ASTN1: variants seen among roughly 807,000 people sequenced by gnomAD.
The protein encoded by ASTN1 is astrotactin-1.
In ASTN1, 41 loss-of-function variants were observed where a neutral mutation model predicts 140.7. That is an observed-to-expected ratio of 0.29 (90% CI 0.23 to 0.38). ASTN1 has a LOEUF of 0.38. ASTN1 is among the 10% of genes least tolerant of loss of function. ASTN1 has a pLI of 1.00. For synonymous variants in ASTN1, 640 were observed against 652.2 expected, an observed-to-expected ratio of 0.98 and a Z score of 0.29; for missense variants, 1,479 against 1,678.8, an observed-to-expected ratio of 0.88 and a Z score of 2.08.
At chr1:177,095,476 C>T (rs1266787881) in intron 1 of ASTN1, among the ~76,000 whole-genome samples, 5 of 151,594 alleles carry the variant, frequency 3.3e-5, no homozygotes, top group Non-Finnish European at 7.3e-5. Context: ...TTCAAGGCTC[C>T]ATTCCCCACC....
intron 8 of ASTN1, among the ~76,000 whole-genome samples, chr1:176,981,211 C>CA (rs35209486): frequency 0.14 from 3,315 of 24,054 alleles, 1,015 homozygotes; most frequent in East Asian, 0.26. Context: ...GACTCTGTCT[C>CA]AAAAAAAAAA....
At chr1:177,105,445 C>T (rs1680504217) in intron 1 of ASTN1, among the ~76,000 whole-genome samples, 1 of 152,032 alleles carries the variant, frequency 6.6e-6, no homozygotes, top group Admixed American at 6.5e-5. Flanking sequence ...AGAATCATGG[C>T]CCACTGTACT....
At position 176,870,817 on chromosome 1, in the gene ASTN1, T is replaced by C. The variant is rs554824429; in HGVS notation, c.3464-1790A>G. On this transcript the variant is annotated intron_variant, in intron 21 of 22. Coordinates refer to ENST00000361833, the MANE Select transcript of ASTN1 (RefSeq NM_004319.3). ...AGAAGATAGTGATTTAGAAAATAAA[T>C]ATCTATGGTATCTCCAGTTGTTTAT... 7.0e-4 allele frequency among the ~76,000 whole-genome samples: 107 copies of C among 152,320 alleles called. No individual in the cohort carries two copies. In the Middle Eastern group the frequency reaches 0.01, roughly 15 times the overall value.
Position 176,861,321 on chromosome 1 carries a change from G to C in ASTN1, c.*2963C>G. ...AAAACGATTGCACACTCAATTAAAA[G>C]TCTAATGCTATTACAGTGGTTCATG... is the stretch of plus-strand genomic sequence containing the variant. On this transcript the variant is annotated 3_prime_UTR_variant, in exon 23 of 23. Transcript: ENST00000361833. 1.0e-6 allele frequency: 1 copy of C among 985,806 alleles called. No individual in the cohort carries two copies. The highest frequency in any genetic ancestry group is 4.7e-5 in the South Asian group (1 of 21,282). 61.1% of individuals were successfully genotyped at this position (985,806 alleles called of 1,614,324 possible).
intron 1 of ASTN1, among the ~76,000 whole-genome samples, chr1:177,080,123 C>T (rs1679106488): frequency 6.6e-6 from 1 of 151,876 alleles, no homozygotes. Flanking sequence ...CAATTTTCAC[C>T]TTGGATTTAT....
chr1:177,045,923 C>T (rs2102003464), intron 2 of ASTN1, among the ~76,000 whole-genome samples: 1 of 151,992 alleles, frequency 6.6e-6, no homozygotes, highest in South Asian at 2.1e-4. Flanking sequence ...ACATGCTTTA[C>T]AAAGTGAATG....
At chr1:177,139,533 A>G (rs1682365169) in intron 1 of ASTN1, among the ~76,000 whole-genome samples, 1 of 152,220 alleles carries the variant, frequency 6.6e-6, no homozygotes, top group Admixed American at 6.5e-5. Context: ...TGCAGTGATG[A>G]AGGCAGCCTT....
intron 16 of ASTN1, among the ~76,000 whole-genome samples, chr1:176,906,142 G>T (rs1669988779): frequency 6.6e-6 from 1 of 152,224 alleles, no homozygotes; most frequent in African/African-American, 2.4e-5. Context: ...TGGCAGTGAG[G>T]ATTGTAGGGC....
At chr1:177,015,163 T>C (rs1675486551) in intron 7 of ASTN1, among the ~76,000 whole-genome samples, 1 of 152,180 alleles carries the variant, frequency 6.6e-6, no homozygotes, top group African/African-American at 2.4e-5. Flanking sequence ...AGACCAACAA[T>C]TCTTTGAGGA....
chr1:177,037,663 T>A (rs1343737632), intron 2 of ASTN1, among the ~76,000 whole-genome samples: 1 of 152,242 alleles, frequency 6.6e-6, no homozygotes, highest in Non-Finnish European at 1.5e-5. Context: ...AAACACTGAC[T>A]GTAAGCACTG....
chr1:176,946,160 C>T (rs374216971), intron 12 of ASTN1, 40 bp from the exon 13 acceptor site: 1 of 1,480,584 alleles, frequency 6.8e-7, no homozygotes, highest in Non-Finnish European at 9.1e-7. Context: ...GTTATTCCAT[C>T]AATGACCCAT....
chr1:176,958,513 G>A (rs1461885864), intron 9 of ASTN1, 31 bp from the exon 10 acceptor site: 1 of 1,586,760 alleles, frequency 6.3e-7, no homozygotes, highest in Admixed American at 1.8e-5. Context: ...AGGTGGTCAT[G>A]ACTGGGGGCA....
chr1:176,960,022 C>T (rs535799412), intron 9 of ASTN1, among the ~76,000 whole-genome samples: 1 of 152,232 alleles, frequency 6.6e-6, no homozygotes, highest in East Asian at 1.9e-4. Flanking sequence ...ACAGCCCCTT[C>T]ACTCACACAC....
At chr1:177,157,081 C>A (rs1683271364) in intron 1 of ASTN1, among the ~76,000 whole-genome samples, 1 of 152,070 alleles carries the variant, frequency 6.6e-6, no homozygotes, top group Admixed American at 6.6e-5. Context: ...TGGGTGAGAT[C>A]CTGGAACAGA....
intron 1 of ASTN1, among the ~76,000 whole-genome samples, chr1:177,105,268 T>C (rs531077852): frequency 6.6e-6 from 1 of 152,296 alleles, no homozygotes; most frequent in Non-Finnish European, 1.5e-5. Context: ...CTCACAGAAT[T>C]CACCTGAAAT....
intron 1 of ASTN1, among the ~76,000 whole-genome samples, chr1:177,080,292 A>T (rs1267350303): frequency 1.4e-5 from 2 of 143,872 alleles, no homozygotes; most frequent in South Asian, 2.2e-4. Context: ...CCGGTATCAC[A>T]CTCTCAACTA....
intron 8 of ASTN1, among the ~76,000 whole-genome samples, chr1:176,984,523 G>A (rs780970838): frequency 6.6e-6 from 1 of 152,130 alleles, no homozygotes; most frequent in Non-Finnish European, 1.5e-5. Context: ...AGACTAGACT[G>A]GAGGAGATTA....
chr1:177,162,963 G>A (rs1376438056), intron 1 of ASTN1, among the ~76,000 whole-genome samples: 2 of 152,212 alleles, frequency 1.3e-5, no homozygotes, highest in African/African-American at 4.8e-5. Context: ...CAACTGAGCT[G>A]CACTCCGGGA....
chr1:176,947,018 C>T (rs536495560), intron 12 of ASTN1, among the ~76,000 whole-genome samples: 1 of 152,210 alleles, frequency 6.6e-6, no homozygotes, highest in East Asian at 1.9e-4. Context: ...TATTAAAGCA[C>T]ATCATTTATT....
Sources: gnomAD v4.1 joint callset for allele counts (sites outside exome capture counted in the v4.1 genomes callset) on GRCh38, gnomAD v4.1.1 for gene constraint, MANE v1.5 for transcripts, NCBI Gene and HGNC (gene_info 2026-07-23, HGNC 2026-07-21) for gene names.